Variants in RFX7 observed in about 807,000 individuals in gnomAD.
RFX7 encodes the protein DNA-binding protein RFX7.
In RFX7, 26 loss-of-function variants were observed where a neutral mutation model predicts 111.8. The observed-to-expected ratio is 0.23, with a 90% CI of 0.17 to 0.32. The LOEUF (loss-of-function observed/expected upper bound fraction) is 0.32. RFX7 is among the 10% of genes least tolerant of loss of function. The pLI, the probability that RFX7 is intolerant of heterozygous loss-of-function variation, is 1.00. For missense variants in RFX7, 1,573 were observed against 1,772.9 expected (o/e 0.89, Z 2.02); for synonymous variants, 624 against 624.4 (o/e 1.00, Z 0.01).
intron 2 of RFX7, among the ~76,000 whole-genome samples, chr15:56,229,707 A>T (rs2043528561): frequency 6.6e-6 from 1 of 152,184 alleles, no homozygotes; most frequent in African/African-American, 2.4e-5. Context: ...TAAATTTCTA[A>T]CAAGTTCCCA....
At chr15:56,218,185 GCTC>G (rs2043384841) in intron 2 of RFX7, among the ~76,000 whole-genome samples, 1 of 71,498 alleles carries the variant, frequency 1.4e-5, no homozygotes, top group African/African-American at 5.9e-5. Flanking sequence ...ACGGAGTCTT[GCTC>G]TTGTTGCCCA....
At chr15:56,226,674 A>G (rs1242260303) in intron 2 of RFX7, among the ~76,000 whole-genome samples, 2 of 152,208 alleles carry the variant, frequency 1.3e-5, no homozygotes, top group African/African-American at 4.8e-5. Context: ...TACAGAGAGA[A>G]AATTGTAAAT....
intron 3 of RFX7, among the ~76,000 whole-genome samples, chr15:56,176,274 A>G (rs558806892): frequency 7.2e-5 from 11 of 152,312 alleles, no homozygotes; most frequent in Admixed American, 5.9e-4. Flanking sequence ...ATTTGGAAAG[A>G]TAATGGCTGA....
chr15:56,234,986 A>G (rs2043606992), intron 2 of RFX7, among the ~76,000 whole-genome samples: 2 of 152,352 alleles, frequency 1.3e-5, no homozygotes, highest in African/African-American at 2.4e-5. Flanking sequence ...TTCGTGAGAC[A>G]TGTTTCACAA....
intron 3 of RFX7, among the ~76,000 whole-genome samples, chr15:56,158,097 C>T (rs375356021): frequency 2.0e-4 from 30 of 152,036 alleles, no homozygotes; most frequent in Middle Eastern, 3.2e-3. Context: ...TACATAAGAC[C>T]TATAATAAGG....
At chr15:56,187,931 CA>C (rs1209010974) in intron 2 of RFX7, among the ~76,000 whole-genome samples, 93 of 152,006 alleles carry the variant, frequency 6.1e-4, no homozygotes, top group African/African-American at 2.1e-3. Flanking sequence ...CTATAGTGAA[CA>C]AACAGGAAAA....
chr15:56,227,760 A>G (rs922428032), intron 2 of RFX7, among the ~76,000 whole-genome samples: 2 of 152,324 alleles, frequency 1.3e-5, no homozygotes, highest in African/African-American at 2.4e-5. Context: ...TCAAGTAAAT[A>G]TAAGAAAAAT....
chr15:56,153,360 C>T (rs2042602178), intron 3 of RFX7, among the ~76,000 whole-genome samples: 1 of 152,164 alleles, frequency 6.6e-6, no homozygotes, highest in South Asian at 2.1e-4. Flanking sequence ...AGCTTATCCA[C>T]CATGATCAAG....
intron 3 of RFX7, among the ~76,000 whole-genome samples, chr15:56,164,902 A>C (rs181003540): frequency 2.0e-4 from 30 of 152,268 alleles, no homozygotes; most frequent in African/African-American, 7.0e-4. Context: ...GTAGAGTTGG[A>C]AGGTAGAAAG....
intron 5 of RFX7, among the ~76,000 whole-genome samples, chr15:56,128,924 G>C (rs772404666): frequency 1.3e-5 from 2 of 151,176 alleles, no homozygotes; most frequent in African/African-American, 4.9e-5. Context: ...TAATCCAAAA[G>C]TGTTATTAAA....
chr15:56,241,993 A>C (rs1206968228), intron 2 of RFX7, among the ~76,000 whole-genome samples: 1 of 152,238 alleles, frequency 6.6e-6, no homozygotes, highest in African/African-American at 2.4e-5. Flanking sequence ...TTGTATTTAA[A>C]AATTGTCACT....
intron 2 of RFX7, among the ~76,000 whole-genome samples, chr15:56,228,514 T>G (rs2043510892): frequency 6.6e-6 from 1 of 152,056 alleles, no homozygotes; most frequent in South Asian, 2.1e-4. Flanking sequence ...AAAAAAACTA[T>G]GATTAAGACA....
At chr15:56,119,577 G>A (rs2042048991) in intron 5 of RFX7, among the ~76,000 whole-genome samples, 1 of 151,942 alleles carries the variant, frequency 6.6e-6, no homozygotes, top group Non-Finnish European at 1.5e-5. Context: ...AGGAGTTCAA[G>A]ACCAGCCTGG....
Position 56,194,594 on chromosome 15 carries a change from G to C in RFX7, c.162-15291C>G, listed in dbSNP as rs891993730. Among the ~76,000 whole-genome samples the C allele has an allele frequency of 2.0e-5, 3 of 151,606 alleles. No individual in the cohort carries two copies. In the South Asian group the frequency reaches 6.2e-4, roughly 32 times the overall value. ...ATGAAAACTATTTACTTTTACTTTT[G>C]TTTGCTCATATGCTATAAAACAAAA... On this transcript the variant is annotated intron_variant, in intron 2 of 9. Coordinates refer to ENST00000559447, the MANE Select transcript of RFX7 (RefSeq NM_022841.7).
At chr15:56,243,960 G>C (rs1341792236), upstream of RFX7, 1 of 149,938 alleles carries the variant, frequency 6.7e-6, no homozygotes, top group Non-Finnish European at 1.5e-5. Context: ...CCGCGGGCGC[G>C]ACGGGCCGGG....
intron 2 of RFX7, among the ~76,000 whole-genome samples, chr15:56,238,548 T>C (rs1371392012): frequency 6.6e-6 from 1 of 152,208 alleles, no homozygotes; most frequent in Non-Finnish European, 1.5e-5. Flanking sequence ...TGTCATTGTT[T>C]ATCTCTTTCC....
At chr15:56,143,676 T>G (rs2042432122) in intron 4 of RFX7, among the ~76,000 whole-genome samples, 1 of 152,096 alleles carries the variant, frequency 6.6e-6, no homozygotes, top group East Asian at 1.9e-4. Flanking sequence ...AAGAAAACAC[T>G]GAGCAAGTGT....
rs752864234 is a variant in RFX7, at chr15:56,087,994, T to C, written c.*5351A>G. ...CTCCTAATACATCAGGGTATTTCTA[T>C]GGAGAGAAGGGAGGGAAAAGGATTC... On this transcript the variant is annotated 3_prime_UTR_variant, in exon 10 of 10. Transcript: ENST00000559447. 8.8e-6 allele frequency: 3 copies of C among 340,278 alleles called. No individual in the cohort carries two copies. The highest frequency in any genetic ancestry group is 2.3e-5 in the South Asian group (1 of 42,682). The allele number at this position is 340,278 out of a possible 1,614,324, so 21.1% of individuals were successfully genotyped here.
At chr15:56,122,537 A>G (rs1362596465) in intron 5 of RFX7, among the ~76,000 whole-genome samples, 3 of 152,156 alleles carry the variant, frequency 2.0e-5, no homozygotes, top group Admixed American at 2.0e-4. Flanking sequence ...CGACAGGGCT[A>G]CCATTTATGT....
Sources: gnomAD v4.1 joint callset for allele counts (sites outside exome capture counted in the v4.1 genomes callset) on GRCh38, gnomAD v4.1.1 for gene constraint, MANE v1.5 for transcripts, NCBI Gene and HGNC (gene_info 2026-07-23, HGNC 2026-07-21) for gene names.